The following CCDC171 variants were observed in gnomAD, a reference collection of about 807,000 sequenced individuals.
CCDC171 encodes the protein coiled-coil domain-containing protein 171.
A neutral mutation model predicts 168.2 loss-of-function variants in CCDC171; 177 were observed. The ratio of observed to expected loss-of-function variants is 1.05; its 90% CI spans 0.93 to 1.19. The LOEUF (loss-of-function observed/expected upper bound fraction) is 1.19. CCDC171 is among the 50% of genes most tolerant of loss of function. The pLI is 0.00. For missense variants in CCDC171, 1,991 were observed against 1,539.0 expected (o/e 1.29, Z -4.91); for synonymous variants, 687 against 540.8 (o/e 1.27, Z -3.75).
At chr9:16,032,710 T>C (rs1564128538) in intron 6 of CCDC171, among the ~76,000 whole-genome samples, 1 of 152,190 alleles carries the variant, frequency 6.6e-6, no homozygotes. Flanking sequence ...CTCAAACTCC[T>C]GGGCTCGAGT....
At chr9:15,798,673 T>C (rs1013980618) in intron 21 of CCDC171, among the ~76,000 whole-genome samples, 3 of 152,196 alleles carry the variant, frequency 2.0e-5, no homozygotes, top group African/African-American at 7.2e-5. Context: ...GAAATGCTAC[T>C]ATGCCCGTTT....
intron 17 of CCDC171, 95 bp downstream of exon 17, chr9:15,744,872 A>C: frequency 8.6e-7 from 1 of 1,156,524 alleles, no homozygotes; most frequent in Non-Finnish European, 1.2e-6. Context: ...TTAAAAAATC[A>C]TGTAATATGC....
At position 15,934,551 on chromosome 9, in the gene CCDC171, A is replaced by G. The variant is rs546852434; in HGVS notation, c.3753+14129A>G. ...TATGGAGAAACTGGAACCCCTATAC[A>G]TTGCTGGTGGGAATGTAAAGTGGTA... is the stretch of plus-strand genomic sequence containing the variant. On this transcript the variant is annotated intron_variant, in intron 25 of 25. Coordinates refer to ENST00000380701, the MANE Select transcript of CCDC171 (RefSeq NM_173550.4). Among the ~76,000 whole-genome samples, 32 of 152,054 alleles carry G rather than the reference A, an allele frequency of 2.1e-4. 1 individual carries two copies. Among genetic ancestry groups the G allele is most frequent in the Non-Finnish European group, 4.4e-4 (30 of 67,974 alleles).
intron 9 of CCDC171, among the ~76,000 whole-genome samples, chr9:15,672,749 T>C (rs2133282186): frequency 6.6e-6 from 1 of 152,356 alleles, no homozygotes; most frequent in Non-Finnish European, 1.5e-5. Flanking sequence ...TTTTGGTTAT[T>C]GTAGCCTTGT....
At chr9:15,640,917 C>G (rs767071845) in intron 7 of CCDC171, among the ~76,000 whole-genome samples, 1 of 151,820 alleles carries the variant, frequency 6.6e-6, no homozygotes, top group Non-Finnish European at 1.5e-5. Flanking sequence ...AACAAGTGTG[C>G]CCCCCTTCCC....
intron 21 of CCDC171, among the ~76,000 whole-genome samples, chr9:15,810,364 C>CAG (rs903610410): frequency 4.6e-5 from 7 of 152,318 alleles, no homozygotes; most frequent in African/African-American, 1.7e-4. Flanking sequence ...GGGCCACGGG[C>CAG]AGAGCTGCCT....
intron 11 of CCDC171, among the ~76,000 whole-genome samples, chr9:15,703,853 G>C (rs140696838): frequency 6.6e-6 from 1 of 152,182 alleles, no homozygotes; most frequent in Non-Finnish European, 1.5e-5. Flanking sequence ...ACATTTATTG[G>C]TTAAGTTCAC....
chr9:15,630,211 C>T (rs2045560741), intron 7 of CCDC171, among the ~76,000 whole-genome samples: 1 of 152,092 alleles, frequency 6.6e-6, no homozygotes, highest in South Asian at 2.1e-4. Flanking sequence ...CTAAGTGCTC[C>T]AATTAAAAGA....
chr9:15,901,248 G>A (rs2794622), intron 24 of CCDC171, among the ~76,000 whole-genome samples: 42,691 of 151,904 alleles, frequency 0.28, 6,050 homozygotes, highest in Admixed American at 0.33. Context: ...AGTCTATTTT[G>A]TGTGATACTA....
intron 18 of CCDC171, among the ~76,000 whole-genome samples, chr9:15,767,824 T>TCCCTCCCTCCCCTCCCCTCCCCTCCCC (rs1196063300): frequency 3.1e-5 from 1 of 32,188 alleles, no homozygotes; most frequent in Non-Finnish European, 7.3e-5. Context: ...TTTTCTTTTC[T>TCCCTCCCTCCCCTCCCCTCCCCTCCCC]TTCCCTCCTT....
At position 16,020,604 on chromosome 9, in the gene CCDC171, A is replaced by G. The variant is rs1336994542; in HGVS notation, n.384A>G. ...AAATTGCCAGCAGCACTACGTTTGC[A>G]CTTTGGAGCTATGATTGAGTAAAAT... On this transcript the variant is annotated non_coding_transcript_exon_variant, in exon 4 of 10. Coordinates refer to the CCDC171 transcript ENST00000486641. 6 of 154,344 alleles carry G rather than the reference A, an allele frequency of 3.9e-5. No homozygotes were observed. In the East Asian group the frequency reaches 1.2e-3, roughly 30 times the overall value. The allele number at this position is 154,344 out of a possible 1,614,324, so 9.6% of individuals were successfully genotyped here. A position where few individuals can be genotyped will look rare whatever the true frequency, so the allele number is the denominator to read the frequency against.
At chr9:15,566,050 T>A (rs1403593372) in intron 2 of CCDC171, among the ~76,000 whole-genome samples, 1 of 152,200 alleles carries the variant, frequency 6.6e-6, no homozygotes, top group Non-Finnish European at 1.5e-5. Flanking sequence ...GCCATTTTGG[T>A]GAGTGTGAAG....
In CCDC171 at chr9:15,609,192, C is replaced by T. The variant is rs188181745; in HGVS notation, c.676-14075C>T. 9.6e-3 allele frequency among the ~76,000 whole-genome samples: 1,451 copies of T among 151,750 alleles called. 25 individuals carry two copies. Among genetic ancestry groups the T allele is most frequent in the African/African-American group, 0.033 (1,385 of 41,380 alleles). Reference sequence around the variant, plus strand: ...TTGGCTCACTGCAACCTCCGCCTCCCGGGTTCAAGCGATTCTCCTGCCTCA... The same window carrying T: ...TTGGCTCACTGCAACCTCCGCCTCCTGGGTTCAAGCGATTCTCCTGCCTCA... On this transcript the variant is annotated intron_variant, in intron 6 of 25. Coordinates refer to ENST00000380701, the MANE Select transcript of CCDC171 (RefSeq NM_173550.4).
chr9:15,748,586 A>G (rs995989535), intron 18 of CCDC171, among the ~76,000 whole-genome samples: 1 of 152,200 alleles, frequency 6.6e-6, no homozygotes, highest in Non-Finnish European at 1.5e-5. Flanking sequence ...AGGTCGGGTT[A>G]CCCACAAAGG....
At chr9:16,059,104 C>A (rs138787814) in intron 1 of CCDC171, among the ~76,000 whole-genome samples, 189 of 152,294 alleles carry the variant, frequency 1.2e-3, no homozygotes, top group African/African-American at 4.2e-3. Flanking sequence ...CAGAACCAAG[C>A]ACCCGAGACA....
At position 15,848,847 on chromosome 9, in the gene CCDC171, A is replaced by G. The variant is rs369925865; in HGVS notation, c.3414-46A>G. 5 of 1,050,002 alleles carry G rather than the reference A, an allele frequency of 4.8e-6. No individual in the cohort carries two copies. In the African/African-American group the frequency reaches 4.8e-5, roughly 10 times the overall value. 65.0% of individuals were successfully genotyped at this position (1,050,002 alleles called of 1,614,324 possible). On this transcript the variant is annotated intron_variant, in intron 22 of 25. Transcript: ENST00000380701. ...TTATACTAAAATGTGTAACAGTTGTAGTAAGGTTTGAGTTTTACTAACACT... is the reference window on the plus strand; with the variant it reads ...TTATACTAAAATGTGTAACAGTTGTGGTAAGGTTTGAGTTTTACTAACACT...
At chr9:15,723,045 C>G (rs1458383520) in intron 12 of CCDC171, among the ~76,000 whole-genome samples, 3 of 152,154 alleles carry the variant, frequency 2.0e-5, no homozygotes, top group South Asian at 4.1e-4. Context: ...CTTAGTAATG[C>G]GCTTTGTTGT....
intron 8 of CCDC171, among the ~76,000 whole-genome samples, chr9:15,658,700 A>G (rs767904245): frequency 3.9e-5 from 6 of 152,162 alleles, no homozygotes; most frequent in Non-Finnish European, 8.8e-5. Context: ...GTAGGTCACC[A>G]TGAACCCAGG....
chr9:16,042,029 A>T (rs1031082602), upstream of CCDC171, among the ~76,000 whole-genome samples: 4 of 152,234 alleles, frequency 2.6e-5, no homozygotes, highest in African/African-American at 9.6e-5. Flanking sequence ...TCTTTCAGAG[A>T]TAAAGCTGAA....
Sources: allele counts gnomAD v4.1 joint callset (sites outside exome capture counted in the v4.1 genomes callset), GRCh38; gene constraint gnomAD v4.1.1; transcripts MANE v1.5; gene names NCBI Gene and HGNC (gene_info 2026-07-23, HGNC 2026-07-21).